ZC3H6: variants seen among roughly 807,000 people sequenced by gnomAD.
ZC3H6 encodes the protein zinc finger CCCH-type containing 6.
In ZC3H6, 40 loss-of-function variants were observed where a neutral mutation model predicts 107.7. The observed-to-expected ratio is 0.37, with a 90% confidence interval of 0.29 to 0.48. The LOEUF is 0.48. Ranked by LOEUF, ZC3H6 falls within the 20% of genes least tolerant of loss-of-function variation. The pLI, the probability that ZC3H6 is intolerant of heterozygous loss-of-function variation, is 0.98. For synonymous variants in ZC3H6, 493 were observed against 487.9 expected (o/e 1.01, Z -0.14); for missense variants, 1,267 against 1,410.4 (o/e 0.90, Z 1.63).
At chr2:112,280,565 T>C (rs1215934798) in intron 1 of ZC3H6, among the ~76,000 whole-genome samples, 1 of 152,176 alleles carries the variant, frequency 6.6e-6, no homozygotes, top group African/African-American at 2.4e-5. Context: ...TGGGATCTTA[T>C]AATCTAGTTG....
In ZC3H6 at chr2:112,338,961, T is replaced by C. The variant is rs1280890992; in HGVS notation, c.*6473T>C. The C allele has an allele frequency of 1.4e-5, 2 of 146,516 alleles. No individual in the cohort carries two copies. The highest frequency in any genetic ancestry group is 3.0e-5 in the Non-Finnish European group (2 of 66,218). 9.1% of individuals were successfully genotyped at this position (146,516 alleles called of 1,614,324 possible). On this transcript the variant is annotated 3_prime_UTR_variant, in exon 12 of 12. Coordinates refer to ENST00000409871, the MANE Select transcript of ZC3H6 (RefSeq NM_198581.3). The stretch of plus-strand genomic sequence containing the variant: ...TCTTGCTCTGTCACCCAGGCTGGAG[T>C]ACAGCTCACAGCAACCTCTGCCTCC...
intron 1 of ZC3H6, among the ~76,000 whole-genome samples, chr2:112,284,869 A>G (rs6542050): frequency 0.51 from 77,436 of 151,946 alleles, 21,926 homozygotes; most frequent in East Asian, 0.77. Context: ...AAGAATTCCC[A>G]AATAAGATTT....
At chr2:112,299,294 T>A (rs1436620132) in intron 1 of ZC3H6, among the ~76,000 whole-genome samples, 8 of 135,542 alleles carry the variant, frequency 5.9e-5, no homozygotes, top group East Asian at 2.3e-4. Flanking sequence ...AAAAAAAAAA[T>A]TTAAGAACTG....
intron 5 of ZC3H6, chr2:112,312,167 A>C: frequency 2.3e-6 from 1 of 430,854 alleles, no homozygotes; most frequent in Non-Finnish European, 4.0e-6. Context: ...AAAGAACCTC[A>C]AAATAAAATT....
intron 9 of ZC3H6, 145 bp from the exon 10 acceptor site, chr2:112,324,007 C>A: frequency 1.2e-6 from 1 of 827,058 alleles, no homozygotes; most frequent in African/African-American, 1.7e-5. Flanking sequence ...TACCTATCGA[C>A]GCTATGGAAC....
At chr2:112,303,103 T>C (rs1452724352) in intron 2 of ZC3H6, 126 bp from the exon 3 acceptor site, 3 of 1,242,728 alleles carry the variant, frequency 2.4e-6, no homozygotes, top group Non-Finnish European at 3.3e-6. Flanking sequence ...TCAGTAGTAC[T>C]TCAGAGTCTC....
rs1323379034 is a variant in ZC3H6, at chr2:112,310,175, TAC to T, written c.613+16_613+17del. On this transcript the variant is annotated intron_variant, in intron 4 of 11. Coordinates refer to ENST00000409871, the MANE Select transcript of ZC3H6 (RefSeq NM_198581.3). The stretch of plus-strand genomic sequence containing the variant: ...GAGTTCAGCAAGGTAAGTTTGAAAT[TAC>T]AGTCTGTCTTAGAATGTGAGAACCT... 1.2e-6 allele frequency: 2 copies of T among 1,608,584 alleles called. No homozygotes were observed. Among genetic ancestry groups the T allele is most frequent in the African/African-American group, 2.7e-5 (2 of 74,622 alleles).
chr2:112,285,276 A>G (rs1161192254), intron 1 of ZC3H6, among the ~76,000 whole-genome samples: 1 of 152,178 alleles, frequency 6.6e-6, no homozygotes, highest in Non-Finnish European at 1.5e-5. Context: ...ATTTTAACAT[A>G]CAAAGTGACA....
At chr2:112,321,944 T>G in intron 8 of ZC3H6, 79 bp downstream of exon 8, 1 of 594,632 alleles carries the variant, frequency 1.7e-6, no homozygotes, top group Non-Finnish European at 2.8e-6. Flanking sequence ...AGTGATATTT[T>G]ATGAAACTGC....
intron 11 of ZC3H6, among the ~76,000 whole-genome samples, chr2:112,327,531 C>T (rs1365280901): frequency 6.6e-6 from 1 of 152,120 alleles, no homozygotes; most frequent in Non-Finnish European, 1.5e-5. Context: ...CCCATTTGTC[C>T]ATTTTTGCTT....
Position 112,292,924 on chromosome 2 carries a change from A to C in ZC3H6, c.33-6925A>C, listed in dbSNP as rs185356258. ...ACGTGAGAAGTCTCTTAAATCATCT[A>C]ATTATTACATTGGAGCTATATAATA... is the stretch of plus-strand genomic sequence containing the variant. On this transcript the variant is annotated intron_variant, in intron 1 of 11. Coordinates refer to ENST00000409871, the MANE Select transcript of ZC3H6 (RefSeq NM_198581.3). 1.4e-3 allele frequency among the ~76,000 whole-genome samples: 211 copies of C among 152,288 alleles called. 1 individual carries two copies. Among genetic ancestry groups the C allele is most frequent in the South Asian group, 3.7e-3 (18 of 4,826 alleles).
intron 11 of ZC3H6, among the ~76,000 whole-genome samples, chr2:112,329,151 T>C (rs531326968): frequency 1.3e-5 from 2 of 152,264 alleles, no homozygotes; most frequent in South Asian, 4.1e-4. Flanking sequence ...TTTAATGCTT[T>C]TATGCATTTT....
chr2:112,317,816 T>C (rs1457907672), intron 7 of ZC3H6, among the ~76,000 whole-genome samples: 1 of 152,198 alleles, frequency 6.6e-6, no homozygotes, highest in African/African-American at 2.4e-5. Context: ...AATTTCACTA[T>C]ATATAGTGTT....
At chr2:112,303,188 C>G (rs774893420) in intron 2 of ZC3H6, 41 bp from the exon 3 acceptor site, 1 of 1,581,558 alleles carries the variant, frequency 6.3e-7, no homozygotes, top group Non-Finnish European at 8.6e-7. Flanking sequence ...AATTTTCTTC[C>G]TTTTGCAAAT....
intron 1 of ZC3H6, 101 bp from the exon 2 acceptor site, chr2:112,299,748 A>G (rs1676331406): frequency 1.1e-6 from 1 of 938,438 alleles, no homozygotes; most frequent in Non-Finnish European, 1.4e-6. Flanking sequence ...GTCTAAATGA[A>G]TATAACATAA....
Position 112,333,335 on chromosome 2 carries a change from T to G in ZC3H6, c.*847T>G, listed in dbSNP as rs1246713893. The G allele has an allele frequency of 1.3e-5, 2 of 152,602 alleles. No homozygotes were observed. Among genetic ancestry groups the G allele is most frequent in the Non-Finnish European group, 2.9e-5 (2 of 67,980 alleles). 9.5% of individuals were successfully genotyped at this position (152,602 alleles called of 1,614,324 possible). Reference sequence around the variant, plus strand: ...GTGTTCATCATGACTTTGGCGATTTTTAACAAAATTTTTAAAGACCCAGTG... The same window carrying G: ...GTGTTCATCATGACTTTGGCGATTTGTAACAAAATTTTTAAAGACCCAGTG... On this transcript the variant is annotated 3_prime_UTR_variant, in exon 12 of 12. Transcript: ENST00000409871.
intron 11 of ZC3H6, among the ~76,000 whole-genome samples, chr2:112,330,285 C>T (rs1233687503): frequency 6.6e-6 from 1 of 152,072 alleles, no homozygotes; most frequent in South Asian, 2.1e-4. Context: ...GATCTCATGA[C>T]CTCGTGATCC....
intron 11 of ZC3H6, among the ~76,000 whole-genome samples, chr2:112,325,959 G>A (rs1676899085): frequency 6.6e-6 from 1 of 152,070 alleles, no homozygotes; most frequent in Non-Finnish European, 1.5e-5. Flanking sequence ...CAAAACTGAT[G>A]TTTGGCCACT....
intron 11 of ZC3H6, 111 bp from the exon 12 acceptor site, chr2:112,330,894 C>T (rs946710415): frequency 2.5e-5 from 10 of 401,460 alleles, no homozygotes; most frequent in Non-Finnish European, 3.3e-5. Flanking sequence ...ATTAAGGCTA[C>T]ATATAAATGT....
Sources: gnomAD v4.1 joint callset for allele counts (sites outside exome capture counted in the v4.1 genomes callset) on GRCh38, gnomAD v4.1.1 for gene constraint, MANE v1.5 for transcripts, NCBI Gene and HGNC (gene_info 2026-07-23, HGNC 2026-07-21) for gene names.